GALNT14: variants seen among roughly 807,000 people sequenced by gnomAD.
GALNT14 encodes the protein polypeptide N-acetylgalactosaminyltransferase 14.
GALNT14 carries 60 observed loss-of-function variants against 77.5 expected under a neutral mutation model. The ratio of observed to expected loss-of-function variants is 0.77; its 90% CI spans 0.63 to 0.96. The LOEUF (loss-of-function observed/expected upper bound fraction) is 0.96, where lower values mean the gene tolerates loss of function less well. Ranked by LOEUF, GALNT14 falls within the 40% of genes least tolerant of loss-of-function variation. The pLI, the probability that GALNT14 is intolerant of heterozygous loss-of-function variation, is 0.00. For missense variants in GALNT14, 710 were observed against 731.0 expected, an observed-to-expected ratio of 0.97 and a Z score of 0.33; for synonymous variants, 280 against 281.7, an observed-to-expected ratio of 0.99 and a Z score of 0.06.
chr2:31,131,755 A>T (rs1024304588), intron 1 of GALNT14, among the ~76,000 whole-genome samples: 4 of 152,194 alleles, frequency 2.6e-5, no homozygotes, highest in Non-Finnish European at 5.9e-5. Context: ...AGCCCACGGC[A>T]GCCTTATTCC....
intron 1 of GALNT14, among the ~76,000 whole-genome samples, chr2:31,017,086 C>G (rs939281937): frequency 2.0e-5 from 3 of 152,230 alleles, no homozygotes; most frequent in Non-Finnish European, 4.4e-5. Flanking sequence ...AATTTGGACC[C>G]CAGTCTGTCT....
intron 1 of GALNT14, among the ~76,000 whole-genome samples, chr2:31,097,027 A>C (rs1484258942): frequency 6.6e-6 from 1 of 152,160 alleles, no homozygotes. Context: ...GCTGGTTCTA[A>C]ATCAAAGAAA....
At chr2:30,986,451 T>C (rs1009700207) in intron 2 of GALNT14, among the ~76,000 whole-genome samples, 1 of 152,196 alleles carries the variant, frequency 6.6e-6, no homozygotes, top group Non-Finnish European at 1.5e-5. Flanking sequence ...ATGTACCACT[T>C]GGATAATGGC....
chr2:31,010,489 C>T (rs1252939111), intron 1 of GALNT14, among the ~76,000 whole-genome samples: 1 of 152,186 alleles, frequency 6.6e-6, no homozygotes, highest in African/African-American at 2.4e-5. Context: ...GTGGTGAGCA[C>T]CTGTAGTCCC....
In GALNT14 at chr2:30,958,453, C is replaced by A. The variant is rs770603752; in HGVS notation, c.410G>T (p.Arg137Leu). 1.2e-6 allele frequency: 2 copies of A among 1,613,640 alleles called. No homozygotes were observed. The highest frequency in any genetic ancestry group is 1.3e-5 in the African/African-American group (1 of 74,880). ...TTCCCGGATCAGATGCGTAGGGGTG[C>A]GGTTTAATACACTGCAAGATGGAAA... Reference protein sequence around the residue: ...LLRTIRSVLNRTPTHLIREII... With the variant: ...LLRTIRSVLNLTPTHLIREII... Residue 137 changes from arginine (R) to leucine (L), a missense_variant, in exon 4 of 15, where the codon CGC becomes CTC. By Grantham distance (102) the Arg-to-Leu change is moderately radical (BLOSUM62 -2). Coordinates refer to ENST00000349752, the MANE Select transcript of GALNT14 (RefSeq NM_024572.4).
intron 1 of GALNT14, among the ~76,000 whole-genome samples, chr2:31,020,822 A>C (rs940401639): frequency 6.6e-6 from 1 of 151,986 alleles, no homozygotes; most frequent in African/African-American, 2.4e-5. Context: ...TTGGTGAGCC[A>C]GCTTCAGCTG....
chr2:31,076,108 G>A (rs1012077487), intron 1 of GALNT14, among the ~76,000 whole-genome samples: 10 of 152,194 alleles, frequency 6.6e-5, no homozygotes, highest in African/African-American at 2.2e-4. Context: ...GATAACAGCT[G>A]GAAGAACTGG....
the GALNT14 span, among the ~76,000 whole-genome samples, chr2:30,899,296 G>A: frequency 2.6e-5 from 4 of 152,340 alleles, no homozygotes; most frequent in South Asian, 8.3e-4. Flanking sequence ...ACCAATGGCA[G>A]CCCTTTGCCC....
intron 1 of GALNT14, among the ~76,000 whole-genome samples, chr2:31,012,996 A>C (rs1671130305): frequency 6.6e-6 from 1 of 152,216 alleles, no homozygotes; most frequent in South Asian, 2.1e-4. Flanking sequence ...CAGAACCAAT[A>C]AATACATGTT....
the GALNT14 span, among the ~76,000 whole-genome samples, chr2:30,887,762 A>G: frequency 4.7e-4 from 71 of 152,200 alleles, no homozygotes; most frequent in Non-Finnish European, 2.5e-4. Context: ...TTTTGATGTC[A>G]TACCTAAGAA....
chr2:31,058,648 G>A (rs1330084552), intron 1 of GALNT14, among the ~76,000 whole-genome samples: 1 of 152,150 alleles, frequency 6.6e-6, no homozygotes, highest in African/African-American at 2.4e-5. Context: ...AGATGGTACT[G>A]CTAGATTTAC....
intron 13 of GALNT14, among the ~76,000 whole-genome samples, chr2:30,920,137 C>A (rs1055428884): frequency 2.6e-5 from 4 of 152,144 alleles, no homozygotes; most frequent in African/African-American, 9.7e-5. Context: ...CAGAGCCAGC[C>A]CTGACTCTCC....
chr2:30,988,392 A>AC (rs1015707708), intron 2 of GALNT14, among the ~76,000 whole-genome samples: 1 of 151,922 alleles, frequency 6.6e-6, no homozygotes, highest in African/African-American at 2.4e-5. Context: ...GCCAGGAGTG[A>AC]CCCCACAGTA....
chr2:30,936,616 G>T (rs1016626939), intron 9 of GALNT14, among the ~76,000 whole-genome samples: 3 of 152,126 alleles, frequency 2.0e-5, no homozygotes. Context: ...GGGGAACCTT[G>T]CCTTTCAGTA....
intron 1 of GALNT14, among the ~76,000 whole-genome samples, chr2:31,047,983 C>T (rs12712306): frequency 0.31 from 47,644 of 152,214 alleles, 7,812 homozygotes; most frequent in East Asian, 0.46. Context: ...AGCATCGGCT[C>T]GCAGCCAAGC....
intron 13 of GALNT14, among the ~76,000 whole-genome samples, chr2:30,917,697 G>T (rs998127092): frequency 6.6e-6 from 1 of 152,220 alleles, no homozygotes; most frequent in Admixed American, 6.5e-5. Context: ...AACCACTACG[G>T]TTCCCGTTTT....
At chr2:30,945,342 CT>C (rs1349151566) in intron 7 of GALNT14, among the ~76,000 whole-genome samples, 3 of 152,190 alleles carry the variant, frequency 2.0e-5, no homozygotes, top group Non-Finnish European at 4.4e-5. Flanking sequence ...AAAAGTCATT[CT>C]TGAAGTGGGG....
At chr2:30,915,346 G>GA (rs1227877234) in intron 13 of GALNT14, among the ~76,000 whole-genome samples, 4 of 152,296 alleles carry the variant, frequency 2.6e-5, no homozygotes, top group Admixed American at 6.5e-5. Context: ...CCCCCAAGGA[G>GA]AATGTGTGAA....
At position 31,092,381 on chromosome 2, in the gene GALNT14, A is replaced by G. The variant is rs182782478; in HGVS notation, c.129+45577T>C. On this transcript the variant is annotated intron_variant, in intron 1 of 14. Coordinates refer to ENST00000349752, the MANE Select transcript of GALNT14 (RefSeq NM_024572.4). ...CATGAGGGTCCCACCCTCATGACTC[A>G]TCACCTACCAGAGGCCTTACCTCCT... Among the ~76,000 whole-genome samples the G allele has an allele frequency of 5.9e-4, 90 of 152,120 alleles. 1 individual carries two copies. In the East Asian group the frequency reaches 0.015, roughly 26 times the overall value.
Sources: gnomAD v4.1 joint callset for allele counts (sites outside exome capture counted in the v4.1 genomes callset) on GRCh38, gnomAD v4.1.1 for gene constraint, MANE v1.5 for transcripts, NCBI Gene and HGNC (gene_info 2026-07-23, HGNC 2026-07-21) for gene names.